The following CNGB1 variants were observed in gnomAD, a reference collection of about 807,000 sequenced individuals.
CNGB1 encodes cyclic nucleotide-gated channel beta-1.
CNGB1 carries 126 observed loss-of-function variants against 151.7 expected under a neutral mutation model. The ratio of observed to expected loss-of-function variants is 0.83; its 90% CI spans 0.72 to 0.96. CNGB1 has a LOEUF of 0.96. CNGB1 is among the 40% of genes least tolerant of loss of function. The pLI is 0.00. For synonymous variants in CNGB1, 623 were observed against 635.1 expected (o/e 0.98, Z 0.29); for missense variants, 1,698 against 1,627.0 (o/e 1.04, Z -0.75).
chr16:57,889,567 C>A (rs537204413), intron 31 of CNGB1, among the ~76,000 whole-genome samples: 19 of 152,220 alleles, frequency 1.2e-4, no homozygotes, highest in Non-Finnish European at 1.8e-4. Flanking sequence ...GGACTTCTAA[C>A]CCACAGAAAC....
intron 32 of CNGB1, among the ~76,000 whole-genome samples, chr16:57,887,203 C>A (rs1285350360): frequency 6.6e-6 from 1 of 152,106 alleles, no homozygotes; most frequent in Non-Finnish European, 1.5e-5. Context: ...CTTAAATTGT[C>A]ACAGACACAG....
chr16:57,904,020 G>A, intron 26 of CNGB1, 39 bp from the exon 27 acceptor site: 1 of 1,592,630 alleles, frequency 6.3e-7, no homozygotes, highest in Non-Finnish European at 8.6e-7. Flanking sequence ...AAGCCACTGG[G>A]TCATTGGGGG....
intron 11 of CNGB1, 86 bp from the exon 12 acceptor site, chr16:57,957,463 C>G (rs1962119004): frequency 8.9e-7 from 1 of 1,129,526 alleles, no homozygotes; most frequent in African/African-American, 1.5e-5. Flanking sequence ...AGCACGTGAC[C>G]TTGACCCACC....
At chr16:57,898,500 C>T (rs1417058865) in intron 29 of CNGB1, among the ~76,000 whole-genome samples, 3 of 152,144 alleles carry the variant, frequency 2.0e-5, no homozygotes, top group Non-Finnish European at 2.9e-5. Context: ...GCTTCAGCCT[C>T]CCAAACAGCT....
At position 57,883,742 on chromosome 16, in the gene CNGB1, A is replaced by T. The variant is rs1305735403; in HGVS notation, c.*422T>A. 2 of 245,308 alleles carry T rather than the reference A, an allele frequency of 8.2e-6. No homozygotes were observed. The highest frequency in any genetic ancestry group is 4.6e-5 in the African/African-American group (2 of 43,160). The allele number at this position is 245,308 out of a possible 1,614,324, so 15.2% of individuals were successfully genotyped here. A position where few individuals can be genotyped will look rare whatever the true frequency, so the allele number is the denominator to read the frequency against. On this transcript the variant is annotated 3_prime_UTR_variant, in exon 33 of 33. Transcript: ENST00000251102. The stretch of plus-strand genomic sequence containing the variant: ...CAGTGAAGTATTTTCTATCCTTGAA[A>T]TGTGTTAGACAAATTCCTGAGGGGA...
chr16:57,964,654 G>C (rs1483959886), intron 2 of CNGB1, 110 bp from the exon 3 acceptor site: 3 of 1,023,332 alleles, frequency 2.9e-6, no homozygotes, highest in Non-Finnish European at 4.6e-6. Flanking sequence ...AGACCTGAAC[G>C]ACTCTTTCCT....
rs970895130 is a variant in CNGB1 at position 57,951,275 on chromosome 16, G to A, written c.875-735C>T. Among the ~76,000 whole-genome samples, 7 of 152,278 alleles carry A rather than the reference G, an allele frequency of 4.6e-5. No homozygotes were observed. The South Asian group carries it at 1.5e-3, about 32-fold the overall frequency. ...CCCCAGGCAGGTGTCAGGGACAAAG[G>A]ACAATGCCTGAATACTAGGTGTCCC... On this transcript the variant is annotated intron_variant, in intron 12 of 32. Transcript: ENST00000251102.
At position 57,888,653 on chromosome 16, in the gene CNGB1, T is replaced by C. The variant is rs143814597; in HGVS notation, c.3243-579A>G. Reference sequence around the variant, plus strand: ...TTTTTGTAGAGACAGGGTTTCGCCATGTTGCCCAGGCTGGTCTCAAACTCC... The same window carrying C: ...TTTTTGTAGAGACAGGGTTTCGCCACGTTGCCCAGGCTGGTCTCAAACTCC... On this transcript the variant is annotated intron_variant, in intron 31 of 32. Coordinates refer to ENST00000251102, the MANE Select transcript of CNGB1 (RefSeq NM_001297.5). Among the ~76,000 whole-genome samples, 1,120 of 152,312 alleles carry C rather than the reference T, an allele frequency of 7.4e-3. 13 individuals carry two copies. The highest frequency in any genetic ancestry group is 0.026 in the African/African-American group (1,071 of 41,576).
At chr16:57,931,120 G>A (rs1259376693) in intron 17 of CNGB1, among the ~76,000 whole-genome samples, 2 of 151,110 alleles carry the variant, frequency 1.3e-5, no homozygotes, top group African/African-American at 4.9e-5. Context: ...CATTTATTAT[G>A]TATTACTATA....
chr16:57,959,004 T>C (rs116263489), intron 10 of CNGB1, among the ~76,000 whole-genome samples: 1,992 of 150,680 alleles, frequency 0.013, 59 homozygotes, highest in African/African-American at 0.046. Context: ...CCTGCTGCCA[T>C]GGCTTCCCAA....
Position 57,962,991 on chromosome 16 carries a change from T to TGA in CNGB1, c.362_363dup (p.Thr122SerfsTer156). 6.2e-7 allele frequency: 1 copy of TGA among 1,613,532 alleles called. No individual in the cohort carries two copies. Among genetic ancestry groups the TGA allele is most frequent in the Non-Finnish European group, 8.5e-7 (1 of 1,180,020 alleles). On this transcript the variant is annotated frameshift_variant, in exon 5 of 33. Coordinates refer to ENST00000251102, the MANE Select transcript of CNGB1 (RefSeq NM_001297.5). LOFTEE classifies it high-confidence loss of function. ...AGCAGTACCTGAGCCGGGTCCTCCG[T>TGA]GATGCTGTGAACAGGCTGCGGGATC...
intron 31 of CNGB1, among the ~76,000 whole-genome samples, chr16:57,896,169 TCTGA>T (rs768453287): frequency 7.4e-4 from 113 of 152,292 alleles, no homozygotes; most frequent in Non-Finnish European, 1.4e-3. Context: ...ATCCTCATAG[TCTGA>T]AGGTGACTAC....
intron 2 of CNGB1, among the ~76,000 whole-genome samples, chr16:57,965,198 C>T (rs545544335): frequency 3.3e-5 from 5 of 150,520 alleles, no homozygotes; most frequent in African/African-American, 1.2e-4. Flanking sequence ...TGCATGTATA[C>T]AATGACACAC....
intron 29 of CNGB1, among the ~76,000 whole-genome samples, chr16:57,899,456 A>G (rs1430507625): frequency 2.0e-5 from 3 of 152,222 alleles, no homozygotes; most frequent in Non-Finnish European, 4.4e-5. Context: ...CCTAGCCAAC[A>G]TGGCAAAACC....
chr16:57,904,567 C>T (rs1191836803), intron 26 of CNGB1, among the ~76,000 whole-genome samples, 167 bp downstream of exon 26: 1 of 152,104 alleles, frequency 6.6e-6, no homozygotes, highest in African/African-American at 2.4e-5. Flanking sequence ...TCACCACCAC[C>T]CCCTTCACCG....
intron 31 of CNGB1, among the ~76,000 whole-genome samples, chr16:57,893,436 T>C (rs1960146916): frequency 6.6e-6 from 1 of 152,104 alleles, no homozygotes; most frequent in African/African-American, 2.4e-5. Flanking sequence ...GTGATCCTTA[T>C]TAACATGCAC....
intron 4 of CNGB1, 134 bp downstream of exon 4, chr16:57,963,995 GT>G: frequency 1.3e-6 from 1 of 776,582 alleles, no homozygotes; most frequent in Non-Finnish European, 2.1e-6. Context: ...TTCCCAGGAT[GT>G]CCCAGGGCTT....
intron 16 of CNGB1, among the ~76,000 whole-genome samples, chr16:57,937,641 G>T (rs895471651): frequency 5.3e-5 from 8 of 152,234 alleles, no homozygotes; most frequent in Admixed American, 5.2e-4. Context: ...AAAGAACCCA[G>T]AACTCACAGA....
Position 57,935,402 on chromosome 16 carries a change from G to A in CNGB1, c.1373-3524C>T, listed in dbSNP as rs555198190. 5.8e-4 allele frequency among the ~76,000 whole-genome samples: 88 copies of A among 152,258 alleles called. 2 individuals are homozygous for A. The highest frequency in any genetic ancestry group is 1.7e-3 in the South Asian group (8 of 4,820). ...AGCAAATAAAATTAGAATTGAGGCC[G>A]GGCACAGTGGCTCATGCCTGTACTC... On this transcript the variant is annotated intron_variant, in intron 16 of 32. Coordinates refer to ENST00000251102, the MANE Select transcript of CNGB1 (RefSeq NM_001297.5).
Sources: allele counts gnomAD v4.1 joint callset (sites outside exome capture counted in the v4.1 genomes callset), GRCh38; gene constraint gnomAD v4.1.1; transcripts MANE v1.5; gene names NCBI Gene and HGNC (gene_info 2026-07-23, HGNC 2026-07-21).